Variants in SPIDR observed in about 807,000 individuals in gnomAD.
SPIDR encodes the protein scaffold protein involved in DNA repair.
In SPIDR, 93 loss-of-function variants were observed where a neutral mutation model predicts 104.6. The ratio of observed to expected loss-of-function variants is 0.89; its 90% CI spans 0.75 to 1.06. SPIDR has a LOEUF of 1.06. SPIDR is among the 50% of genes least tolerant of loss of function. SPIDR has a pLI of 0.00. For missense variants in SPIDR, 1,154 were observed against 1,111.2 expected, an observed-to-expected ratio of 1.04 and a Z score of -0.55; for synonymous variants, 431 against 416.9, an observed-to-expected ratio of 1.03 and a Z score of -0.41.
chr8:47,490,276 T>A (rs1300670020), intron 8 of SPIDR, among the ~76,000 whole-genome samples: 7 of 152,082 alleles, frequency 4.6e-5, no homozygotes, highest in Non-Finnish European at 7.4e-5. Context: ...ATCAGAGAAA[T>A]GCAAATCAAA....
intron 4 of SPIDR, among the ~76,000 whole-genome samples, chr8:47,292,655 A>G (rs1453134658): frequency 6.6e-6 from 1 of 152,190 alleles, no homozygotes; most frequent in Non-Finnish European, 1.5e-5. Context: ...TGCAAATTTA[A>G]GTGTAATAGT....
chr8:47,359,887 T>A (rs1162512559), intron 5 of SPIDR, among the ~76,000 whole-genome samples: 1 of 152,190 alleles, frequency 6.6e-6, no homozygotes. Flanking sequence ...TCTACATATG[T>A]ATGCATGTAT....
At chr8:47,490,593 A>T (rs2078524440) in intron 8 of SPIDR, among the ~76,000 whole-genome samples, 1 of 152,234 alleles carries the variant, frequency 6.6e-6, no homozygotes, top group South Asian at 2.1e-4. Flanking sequence ...CTTGGAACCA[A>T]CCCAAATGTC....
intron 3 of SPIDR, among the ~76,000 whole-genome samples, chr8:47,284,980 C>T (rs1235643718): frequency 6.6e-6 from 1 of 152,194 alleles, no homozygotes; most frequent in African/African-American, 2.4e-5. Context: ...CTTGTGACTT[C>T]CGGGATCTTG....
chr8:47,349,865 G>A (rs2053087914), intron 5 of SPIDR, among the ~76,000 whole-genome samples: 1 of 152,190 alleles, frequency 6.6e-6, no homozygotes, highest in Admixed American at 6.5e-5. Context: ...ATTTTCCAGG[G>A]ACCATCTGTC....
chr8:47,273,394 A>G (rs1174245936), intron 1 of SPIDR, among the ~76,000 whole-genome samples: 1 of 152,188 alleles, frequency 6.6e-6, no homozygotes, highest in Non-Finnish European at 1.5e-5. Context: ...CAAGACATGG[A>G]CATTATAAAG....
chr8:47,310,643 C>T (rs981282670), intron 5 of SPIDR, among the ~76,000 whole-genome samples: 15 of 152,120 alleles, frequency 9.9e-5, no homozygotes, highest in South Asian at 2.1e-4. Flanking sequence ...GTGTAGGTGA[C>T]GGAAGCTTGA....
chr8:47,473,270 T>A (rs2075925783), intron 8 of SPIDR, among the ~76,000 whole-genome samples: 1 of 152,262 alleles, frequency 6.6e-6, no homozygotes, highest in East Asian at 1.9e-4. Context: ...TACCCACACA[T>A]GTCCCAGCTA....
intron 5 of SPIDR, among the ~76,000 whole-genome samples, chr8:47,348,948 C>A (rs1218239310): frequency 1.3e-5 from 2 of 152,206 alleles, no homozygotes. Flanking sequence ...AAGCCTACTT[C>A]TGTCAACTTG....
chr8:47,684,213 A>G (rs181887209), intron 11 of SPIDR, among the ~76,000 whole-genome samples: 2 of 152,180 alleles, frequency 1.3e-5, no homozygotes, highest in East Asian at 3.9e-4. Flanking sequence ...CTTGGCTATA[A>G]AAACAAATTT....
intron 5 of SPIDR, among the ~76,000 whole-genome samples, chr8:47,321,345 T>C (rs1015905582): frequency 3.3e-5 from 5 of 152,160 alleles, no homozygotes; most frequent in Non-Finnish European, 7.3e-5. Flanking sequence ...CCATTCACAA[T>C]TGCTTCAAAG....
chr8:47,735,284 C>T (rs765765892), intron 19 of SPIDR, 23 bp from the exon 20 acceptor site: 53 of 1,612,348 alleles, frequency 3.3e-5, no homozygotes, highest in Non-Finnish European at 4.2e-5. Flanking sequence ...TTGCTTTAAC[C>T]AGCGTGCCTT....
intron 5 of SPIDR, among the ~76,000 whole-genome samples, chr8:47,316,689 T>C (rs2045414867): frequency 6.6e-6 from 1 of 152,120 alleles, no homozygotes; most frequent in Admixed American, 6.5e-5. Flanking sequence ...CTGTCTTCGA[T>C]AGTGGGGTGG....
intron 10 of SPIDR, among the ~76,000 whole-genome samples, chr8:47,655,110 T>C (rs2072496529): frequency 6.6e-6 from 1 of 152,228 alleles, no homozygotes; most frequent in African/African-American, 2.4e-5. Flanking sequence ...CCACATTTTC[T>C]TAATCCAGTC....
intron 10 of SPIDR, among the ~76,000 whole-genome samples, chr8:47,608,611 T>C: frequency 6.6e-6 from 1 of 152,238 alleles, no homozygotes; most frequent in East Asian, 1.9e-4. Context: ...ACTCCAAAAT[T>C]TGTTATTGTT....
intron 8 of SPIDR, chr8:47,547,400 A>G: frequency 3.3e-6 from 1 of 300,312 alleles, no homozygotes; most frequent in Non-Finnish European, 6.7e-6. Context: ...CACTGCATGC[A>G]AATCTTCTCT....
intron 10 of SPIDR, among the ~76,000 whole-genome samples, chr8:47,621,323 T>C (rs906012317): frequency 1.2e-4 from 18 of 152,256 alleles, no homozygotes; most frequent in African/African-American, 4.3e-4. Context: ...TCCAAATGTC[T>C]GGATCATTCC....
chr8:47,554,415 C>T (rs945359455), intron 8 of SPIDR, among the ~76,000 whole-genome samples: 28 of 152,186 alleles, frequency 1.8e-4, no homozygotes, highest in African/African-American at 5.1e-4. Flanking sequence ...TTGAACTTCC[C>T]GGCACTTTGT....
intron 5 of SPIDR, among the ~76,000 whole-genome samples, chr8:47,338,588 G>A (rs902619): frequency 2.6e-5 from 4 of 152,082 alleles, no homozygotes; most frequent in African/African-American, 9.6e-5. Context: ...AAAGCAGATA[G>A]AACAATGAAG....
Sources: allele counts gnomAD v4.1 joint callset (sites outside exome capture counted in the v4.1 genomes callset), GRCh38; gene constraint gnomAD v4.1.1; transcripts MANE v1.5; gene names NCBI Gene and HGNC (gene_info 2026-07-23, HGNC 2026-07-21).